The following MSH6 variants were observed in gnomAD, a reference collection of about 807,000 sequenced individuals.
MSH6 encodes the protein mutS homolog 6.
In MSH6, 85 loss-of-function variants were observed where a neutral mutation model predicts 119.1. The ratio of observed to expected loss-of-function variants is 0.71; its 90% confidence interval spans 0.60 to 0.85. The LOEUF is 0.85. Among genes scored for constraint, MSH6 ranks in the 40% least tolerant of loss-of-function variants. The pLI is 0.00. For synonymous variants in MSH6, 830 were observed against 586.9 expected, an observed-to-expected ratio of 1.41 and a Z score of -5.99; for missense variants, 2,163 against 1,655.3, an observed-to-expected ratio of 1.31 and a Z score of -5.32.
In MSH6 at chr2:47,796,070, C is replaced by A. The variant is rs1553411516; in HGVS notation, c.627+7C>A. On this transcript the variant is annotated splice_region_variant and intron_variant, in intron 3 of 9. Coordinates refer to ENST00000234420, the MANE Select transcript of MSH6 (RefSeq NM_000179.3). ...AGAGGAAGAAGAGATGGAGGTGGGACACGGCAAGCATTCAGTTGTTATTTA... is the reference window on the plus strand; with the variant it reads ...AGAGGAAGAAGAGATGGAGGTGGGAAACGGCAAGCATTCAGTTGTTATTTA... 1 of 1,613,600 alleles carries A rather than the reference C, an allele frequency of 6.2e-7. No homozygotes were observed. The highest frequency in any genetic ancestry group is 2.2e-5 in the East Asian group (1 of 44,866).
chr2:47,809,158 C>A, downstream of MSH6: 1 of 1,517,120 alleles, frequency 6.6e-7, no homozygotes, highest in Non-Finnish European at 9.0e-7. Flanking sequence ...TCTAAGTTAC[C>A]TGTAGAAATC....
downstream of MSH6, chr2:47,808,058 C>A: frequency 6.9e-7 from 1 of 1,448,570 alleles, no homozygotes; most frequent in Non-Finnish European, 9.4e-7. Context: ...AATCTTCTTC[C>A]AAAAAAGTGT....
rs750023646 is a variant in MSH6, at chr2:47,798,931, G to C, written c.948G>C (p.Arg316Ser). Residue 316 changes from arginine (R) to serine (S), a missense_variant, in exon 4 of 10, where the codon AGG becomes AGC. By Grantham distance (110) the Arg-to-Ser change is moderately radical. Coordinates refer to ENST00000234420, the MANE Select transcript of MSH6 (RefSeq NM_000179.3). ...GNGSLKRKSS[R>S]KETPSATKQA... ...GCTCTCTTAAAAGGAAAAGCTCTAG[G>C]AAGGAAACGCCCTCAGCCACCAAAC... 6.2e-7 allele frequency: 1 copy of C among 1,614,120 alleles called. No individual in the cohort carries two copies. Among genetic ancestry groups the C allele is most frequent in the South Asian group, 1.1e-5 (1 of 91,076 alleles).
At chr2:47,808,268 AAT>A, downstream of MSH6, 1 of 1,612,758 alleles carries the variant, frequency 6.2e-7, no homozygotes, top group South Asian at 1.1e-5. Flanking sequence ...ATGAAACCCA[AAT>A]ATTAGAAAAG....
At position 47,806,590 on chromosome 2, in the gene MSH6, C is replaced by G. The variant is rs1416452389; in HGVS notation, c.3940C>G (p.Gln1314Glu). 6.2e-7 allele frequency: 1 copy of G among 1,613,236 alleles called. No homozygotes were observed. The highest frequency in any genetic ancestry group is 8.5e-7 in the Non-Finnish European group (1 of 1,179,794). The stretch of plus-strand genomic sequence containing the variant: ...TGCTAATCTCCCAGAGGAAGTTATT[C>G]AAAAGGGACATAGAAAAGCAAGAGA... The part of the protein sequence containing the change: ...RLANLPEEVI[Q>E]KGHRKAREFE... Residue 1314 changes from glutamine (Q) to glutamate (E), a missense_variant, in exon 9 of 10, where the codon CAA becomes GAA. Physicochemically the swap from Gln to Glu is conservative, Grantham distance 29. Transcript: ENST00000234420.
At chr2:47,810,006 C>G (rs1374689397), downstream of MSH6, 1 of 488,688 alleles carries the variant, frequency 2.0e-6, no homozygotes, top group East Asian at 3.5e-5. Context: ...CAGATTTAAA[C>G]TGGTAAATTC....
intron 1 of MSH6, among the ~76,000 whole-genome samples, chr2:47,788,906 C>G (rs913855472): frequency 1.3e-4 from 2 of 15,828 alleles, no homozygotes; most frequent in Admixed American, 1.3e-3. Context: ...CTTTCTTCTT[C>G]CTTTTTTTTT....
chr2:47,799,626 ATTC>A lies in MSH6; in HGVS notation c.1648_1650del (p.Ser550del). On this transcript the variant is annotated inframe_deletion, in exon 4 of 10. Transcript: ENST00000234420. ...CTTAGCCTCAAAGAAAAAGAGGAAG[ATTC>A]TTCTGGCCATACTCGTGCATATGGT... is the stretch of plus-strand genomic sequence containing the variant. 6.2e-7 allele frequency: 1 copy of A among 1,614,092 alleles called. No individual in the cohort carries two copies.
At chr2:47,807,281 G>A (rs191920585), downstream of MSH6, 50 of 221,476 alleles carry the variant, frequency 2.3e-4, no homozygotes, top group Non-Finnish European at 8.1e-5. Flanking sequence ...TTTCTAAAGT[G>A]TACTTAAAAC....
At position 47,800,817 on chromosome 2, in the gene MSH6, G is replaced by C; in HGVS notation, c.2834G>C (p.Arg945Thr). The C allele has an allele frequency of 6.2e-7, 1 of 1,614,114 alleles. No individual in the cohort carries two copies. The highest frequency in any genetic ancestry group is 8.5e-7 in the Non-Finnish European group (1 of 1,180,008). The change falls in exon 4 of 10, where the codon AGA becomes ACA. Residue 945 changes from arginine (R) to threonine (T), a missense_variant. Transcript: ENST00000234420. ...TATGACCAAGCTCTTGCTGACATAA[G>C]AGAAAATGAACAGAGCCTCCTGGAA... ...SDYDQALADI[R>T]ENEQSLLEYL...
At chr2:47,804,526 GACA>G (rs1459175888) in intron 5 of MSH6, among the ~76,000 whole-genome samples, 2 of 108,110 alleles carry the variant, frequency 1.8e-5, no homozygotes, top group Non-Finnish European at 3.6e-5. Context: ...GAAAGAATGT[GACA>G]ACGTGTAAAA....
chr2:47,792,739 T>C (rs1443992838), intron 2 of MSH6, among the ~76,000 whole-genome samples: 1 of 151,866 alleles, frequency 6.6e-6, no homozygotes, highest in Non-Finnish European at 1.5e-5. Context: ...GGATCATAGC[T>C]CACTGGAGCC....
At chr2:47,805,477 C>CAAT in intron 6 of MSH6, 141 bp from the exon 7 acceptor site, 1 of 710,572 alleles carries the variant, frequency 1.4e-6, no homozygotes. Flanking sequence ...CGTGCCCGGC[C>CAAT]AATAATTGCA....
Position 47,803,676 on chromosome 2 carries a change from T to C in MSH6, c.3429T>C (p.Leu1143=), listed in dbSNP as rs562766087. The C allele has an allele frequency of 2.5e-6, 4 of 1,614,212 alleles. No individual in the cohort carries two copies. Among genetic ancestry groups the C allele is most frequent in the East Asian group, 2.2e-5 (1 of 44,882 alleles). ...TGPNMGGKST[L]MRQAGLLAVM... ...CAAATATGGGGGGCAAGTCTACGCTTATGAGACAGGTAACTGATTCTTAAA... is the reference window on the plus strand; with the variant it reads ...CAAATATGGGGGGCAAGTCTACGCTCATGAGACAGGTAACTGATTCTTAAA... Residue 1143 remains leucine, a synonymous_variant, in exon 5 of 10, where the codon CTT becomes CTC. Transcript: ENST00000234420.
Position 47,806,372 on chromosome 2 carries a change from G to C in MSH6, c.3801+14G>C. ...CTAGGACATATGGTATGTGCAAATT[G>C]TTTTTTTCCACAAATTCGGTTTTTT... On this transcript the variant is annotated intron_variant, in intron 8 of 9. Transcript: ENST00000234420. 6.2e-7 allele frequency: 1 copy of C among 1,613,850 alleles called. No individual in the cohort carries two copies. Among genetic ancestry groups the C allele is most frequent in the Non-Finnish European group, 8.5e-7 (1 of 1,179,898 alleles).
chr2:47,806,075 A>G (rs1670015508), intron 7 of MSH6, 129 bp from the exon 8 acceptor site: 2 of 906,960 alleles, frequency 2.2e-6, no homozygotes, highest in Middle Eastern at 3.2e-4. Flanking sequence ...AACAAGGCCT[A>G]TTTATAGAAT....
At position 47,783,166 on chromosome 2, in the gene MSH6, C is replaced by T. The variant is rs1343253462; in HGVS notation, c.-68C>T. On this transcript the variant is annotated 5_prime_UTR_variant, in exon 1 of 10. Coordinates refer to ENST00000234420, the MANE Select transcript of MSH6 (RefSeq NM_000179.3). ...CCCCAGATTTCCCGCCAGCAGGAGCCGCGCGGTAGATGCGGTGCTTTTAGG... is the reference window on the plus strand; with the variant it reads ...CCCCAGATTTCCCGCCAGCAGGAGCTGCGCGGTAGATGCGGTGCTTTTAGG... 6.3e-7 allele frequency: 1 copy of T among 1,593,040 alleles called. No individual in the cohort carries two copies.
chr2:47,788,246 C>CTTTTTTTTTTTTT (rs560110301), intron 1 of MSH6, among the ~76,000 whole-genome samples: 72 of 90,058 alleles, frequency 8.0e-4, no homozygotes, highest in African/African-American at 1.4e-3. Context: ...TTCTTTCTTT[C>CTTTTTTTTTTTTT]TTTTTTTTTT....
chr2:47,786,272 G>C (rs761315156), intron 1 of MSH6, among the ~76,000 whole-genome samples: 1 of 152,138 alleles, frequency 6.6e-6, no homozygotes, highest in Non-Finnish European at 1.5e-5. Flanking sequence ...TGAACAGTCT[G>C]ATGAGCTACA....
Sources: allele counts gnomAD v4.1 joint callset (sites outside exome capture counted in the v4.1 genomes callset), GRCh38; gene constraint gnomAD v4.1.1; transcripts MANE v1.5; gene names NCBI Gene and HGNC (gene_info 2026-07-23, HGNC 2026-07-21).